Variants in EDIL3 observed in about 807,000 individuals in gnomAD.
EDIL3 encodes the protein EGF like and discoidin domains 3, also known as EGF-like repeat and discoidin I-like domain-containing protein 3.
A neutral mutation model predicts 67.4 loss-of-function variants in EDIL3; 37 were observed. The ratio of observed to expected loss-of-function variants is 0.55; its 90% confidence interval spans 0.42 to 0.72. The LOEUF (loss-of-function observed/expected upper bound fraction) is 0.72, where lower values mean the gene tolerates loss of function less well. EDIL3 is among the 30% of genes least tolerant of loss of function. The probability of loss-of-function intolerance (pLI) is 0.00; values close to 1 mark genes in which losing one functional copy is unlikely to be tolerated. For missense variants in EDIL3, 527 were observed against 586.3 expected (o/e 0.90, Z 1.04); for synonymous variants, 195 against 196.3 (o/e 0.99, Z 0.05).
At chr5:83,951,565 T>A (rs923208144) in intron 10 of EDIL3, among the ~76,000 whole-genome samples, 1 of 151,582 alleles carries the variant, frequency 6.6e-6, no homozygotes, top group Non-Finnish European at 1.5e-5. Context: ...GGCAAAGGTG[T>A]TTTTTTCCCT....
intron 3 of EDIL3, among the ~76,000 whole-genome samples, chr5:84,185,276 C>T (rs1236896589): frequency 6.6e-6 from 1 of 152,128 alleles, no homozygotes; most frequent in African/African-American, 2.4e-5. Context: ...TCACTAAGCA[C>T]ATTCCTATAA....
In EDIL3 at chr5:84,066,450, C is replaced by T; in HGVS notation, c.807+1G>A. Reference sequence around the variant, plus strand: ...AATTAAGTAGGTTAAATTATTCTTACCATGTCTTCATTGGTGCCTTTCACT... The same window carrying T: ...AATTAAGTAGGTTAAATTATTCTTATCATGTCTTCATTGGTGCCTTTCACT... On this transcript the variant is annotated splice_donor_variant, in intron 7 of 10. Coordinates refer to ENST00000296591, the MANE Select transcript of EDIL3 (RefSeq NM_005711.5). LOFTEE classifies it high-confidence loss of function. 6.3e-7 allele frequency: 1 copy of T among 1,591,242 alleles called. No homozygotes were observed. Among genetic ancestry groups the T allele is most frequent in the Non-Finnish European group, 8.5e-7 (1 of 1,173,926 alleles).
intron 1 of EDIL3, among the ~76,000 whole-genome samples, chr5:84,340,937 C>T (rs1747098470): frequency 6.6e-6 from 1 of 151,832 alleles, no homozygotes; most frequent in Admixed American, 6.6e-5. Context: ...CAAACTCCTC[C>T]CCTGCCACCA....
intron 3 of EDIL3, among the ~76,000 whole-genome samples, chr5:84,216,311 T>C (rs2053677): frequency 0.13 from 19,417 of 152,240 alleles, 1,582 homozygotes; most frequent in Middle Eastern, 0.2. Context: ...ATGTGATTCA[T>C]AAACTACTGT....
chr5:84,170,852 G>T (rs528524729), intron 4 of EDIL3, among the ~76,000 whole-genome samples: 20 of 151,980 alleles, frequency 1.3e-4, no homozygotes, highest in South Asian at 1.3e-3. Context: ...TGGAGTGCAG[G>T]GGTGTGATCT....
chr5:84,348,405 G>T (rs1580093186), intron 1 of EDIL3, among the ~76,000 whole-genome samples: 2 of 152,060 alleles, frequency 1.3e-5, no homozygotes, highest in African/African-American at 2.4e-5. Context: ...CTAACAGAGG[G>T]CCTGCTGTAT....
chr5:84,311,949 G>C (rs909967624), intron 1 of EDIL3, among the ~76,000 whole-genome samples: 71 of 152,198 alleles, frequency 4.7e-4, no homozygotes, highest in African/African-American at 1.6e-3. Context: ...AAAGTCTCCC[G>C]TGTCTACCTC....
chr5:84,063,761 T>A (rs535248782), intron 8 of EDIL3, among the ~76,000 whole-genome samples: 1 of 152,238 alleles, frequency 6.6e-6, no homozygotes, highest in East Asian at 1.9e-4. Flanking sequence ...AGTGGTATTG[T>A]TTTAGATTTG....
At chr5:84,207,110 C>T (rs1400292830) in intron 3 of EDIL3, among the ~76,000 whole-genome samples, 1 of 152,174 alleles carries the variant, frequency 6.6e-6, no homozygotes, top group Non-Finnish European at 1.5e-5. Context: ...CAAATTGTCC[C>T]TGTTTGCAGA....
At chr5:84,122,050 A>C (rs1322420009) in intron 5 of EDIL3, among the ~76,000 whole-genome samples, 2 of 151,958 alleles carry the variant, frequency 1.3e-5, no homozygotes, top group African/African-American at 4.8e-5. Context: ...TCCCTCTAGG[A>C]TGGTTCTCTA....
intron 2 of EDIL3, among the ~76,000 whole-genome samples, chr5:84,234,121 A>G (rs1292418645): frequency 6.6e-6 from 1 of 152,212 alleles, no homozygotes; most frequent in East Asian, 1.9e-4. Flanking sequence ...TGCATAAGAA[A>G]TTAATTATCT....
intron 2 of EDIL3, among the ~76,000 whole-genome samples, chr5:84,232,586 A>G (rs921512775): frequency 2.0e-4 from 31 of 152,218 alleles, no homozygotes. Context: ...CTACACTTGA[A>G]TTTGCAATAC....
intron 9 of EDIL3, chr5:84,048,154 C>T (rs1010751658): frequency 5.4e-6 from 2 of 369,830 alleles, no homozygotes; most frequent in African/African-American, 2.2e-5. Flanking sequence ...TATAGGTGAA[C>T]CTTCATAAAT....
chr5:84,179,154 T>G (rs934157180), intron 4 of EDIL3, among the ~76,000 whole-genome samples: 1 of 152,090 alleles, frequency 6.6e-6, no homozygotes, highest in East Asian at 1.9e-4. Context: ...AGTAACATGG[T>G]CTTCATGGGA....
intron 9 of EDIL3, among the ~76,000 whole-genome samples, chr5:83,994,441 TAGCA>T (rs1745203075): frequency 4.0e-5 from 5 of 126,018 alleles, no homozygotes; most frequent in Admixed American, 3.8e-4. Flanking sequence ...GGTTTTTATT[TAGCA>T]AAAAAAAAAA....
At chr5:84,255,244 T>A (rs1391589962) in intron 1 of EDIL3, among the ~76,000 whole-genome samples, 1 of 152,176 alleles carries the variant, frequency 6.6e-6, no homozygotes, top group African/African-American at 2.4e-5. Flanking sequence ...CAGAAAGACA[T>A]GGCCCAACAT....
intron 3 of EDIL3, among the ~76,000 whole-genome samples, chr5:84,189,903 G>C (rs1247063565): frequency 6.6e-6 from 1 of 151,912 alleles, no homozygotes; most frequent in African/African-American, 2.4e-5. Context: ...TTCTTTCAAA[G>C]ACTAAGAAAA....
At chr5:84,099,270 C>CA (rs989921817) in intron 6 of EDIL3, among the ~76,000 whole-genome samples, 2 of 151,782 alleles carry the variant, frequency 1.3e-5, no homozygotes, top group African/African-American at 2.4e-5. Context: ...CATACAGAAC[C>CA]AAAAAAAGCC....
intron 6 of EDIL3, among the ~76,000 whole-genome samples, chr5:84,102,371 C>A (rs916692063): frequency 2.0e-5 from 3 of 151,908 alleles, no homozygotes. Context: ...AGAGAGGAAG[C>A]CAAAGTATCC....
Sources: gnomAD v4.1 joint callset for allele counts (sites outside exome capture counted in the v4.1 genomes callset) on GRCh38, gnomAD v4.1.1 for gene constraint, MANE v1.5 for transcripts, NCBI Gene and HGNC (gene_info 2026-07-23, HGNC 2026-07-21) for gene names.